GPR107: variants seen among roughly 807,000 people sequenced by gnomAD.
The protein encoded by GPR107 is protein GPR107.
GPR107 carries 31 observed loss-of-function variants against 75.5 expected under a neutral mutation model. The ratio of observed to expected loss-of-function variants is 0.41; its 90% confidence interval spans 0.31 to 0.55. The LOEUF is 0.55. GPR107 is among the 20% of genes least tolerant of loss of function. The pLI is 0.26. For missense variants in GPR107, 572 were observed against 665.7 expected, an observed-to-expected ratio of 0.86 and a Z score of 1.55; for synonymous variants, 267 against 251.3, an observed-to-expected ratio of 1.06 and a Z score of -0.59.
At chr9:130,071,730 C>G (rs1452544086) in intron 1 of GPR107, among the ~76,000 whole-genome samples, 1 of 152,118 alleles carries the variant, frequency 6.6e-6, no homozygotes, top group African/African-American at 2.4e-5. Context: ...GTCCCCCAGG[C>G]TGGAGTGCAA....
In GPR107 at chr9:130,104,302, A is replaced by G. The variant is rs141104381; in HGVS notation, c.1132-118A>G. ...TGGAAGAGCACGTGGGACTGGAAAG[A>G]ATGCTGTGGTCGCAGATCGTGGGTC... is the stretch of plus-strand genomic sequence containing the variant. On this transcript the variant is annotated intron_variant, in intron 12 of 17. Transcript: ENST00000347136. The G allele has an allele frequency of 7.9e-5, 63 of 792,894 alleles. No individual in the cohort carries two copies. The East Asian group carries it at 1.5e-3, about 19-fold the overall frequency. 49.1% of individuals were successfully genotyped at this position (792,894 alleles called of 1,614,324 possible).
intron 14 of GPR107, among the ~76,000 whole-genome samples, chr9:130,119,862 A>G (rs7851530): frequency 0.65 from 98,864 of 151,914 alleles, 32,218 homozygotes; most frequent in East Asian, 0.82. Context: ...TTTTACTGAG[A>G]CAGGTACTCA....
Position 130,083,542 on chromosome 9 carries a change from CT to C in GPR107, c.527-19del, listed in dbSNP as rs370500687. The C allele has an allele frequency of 3.4e-6, 5 of 1,488,734 alleles. No individual in the cohort carries two copies. In the African/African-American group the frequency reaches 7.3e-5, roughly 22 times the overall value. The allele number at this position is 1,488,734 out of a possible 1,614,324, so 92.2% of individuals were successfully genotyped here. On this transcript the variant is annotated intron_variant, in intron 5 of 17. Coordinates refer to ENST00000347136, the MANE Select transcript of GPR107 (RefSeq NM_020960.5). The stretch of plus-strand genomic sequence containing the variant: ...TGTAAGTTGAGTCATGCAGCACTCT[CT>C]TTTAAATGTTCTTGCTTCTAGATGG...
intron 14 of GPR107, among the ~76,000 whole-genome samples, chr9:130,124,669 G>A (rs553369456): frequency 3.7e-4 from 57 of 152,290 alleles, no homozygotes; most frequent in African/African-American, 1.3e-3. Context: ...ACCCTGGGGC[G>A]GGAATCGCCT....
intron 10 of GPR107, among the ~76,000 whole-genome samples, chr9:130,099,959 ATC>A (rs1457235145): frequency 1.6e-5 from 2 of 124,090 alleles, no homozygotes; most frequent in East Asian, 4.8e-4. Context: ...CAGTGGCGTG[ATC>A]TCTGTTTACT....
At chr9:130,106,347 C>T (rs577440568) in intron 13 of GPR107, among the ~76,000 whole-genome samples, 3 of 151,756 alleles carry the variant, frequency 2.0e-5, no homozygotes, top group Non-Finnish European at 4.4e-5. Flanking sequence ...GCCTGTAATC[C>T]CAGCACTTTG....
intron 1 of GPR107, among the ~76,000 whole-genome samples, chr9:130,062,459 A>AATAATAATAATG (rs1829950910): frequency 6.7e-6 from 1 of 149,388 alleles, no homozygotes; most frequent in Non-Finnish European, 1.5e-5. Flanking sequence ...TAATAATAAT[A>AATAATAATAATG]GCACTGAGTA....
intron 6 of GPR107, among the ~76,000 whole-genome samples, chr9:130,086,212 A>G (rs1206634080): frequency 3.9e-5 from 6 of 152,208 alleles, no homozygotes; most frequent in African/African-American, 1.4e-4. Flanking sequence ...CAGAGGCAGA[A>G]GAGACAGGTG....
intron 14 of GPR107, among the ~76,000 whole-genome samples, chr9:130,115,809 T>C (rs6478946): frequency 0.97 from 147,003 of 150,988 alleles, 71,592 homozygotes; most frequent in East Asian, 1. Context: ...ATGGTGCACA[T>C]CTGTAACCCC....
chr9:130,060,402 G>GGTT (rs1442738529), intron 1 of GPR107, among the ~76,000 whole-genome samples: 23 of 75,896 alleles, frequency 3.0e-4, no homozygotes, highest in African/African-American at 1.3e-3. Flanking sequence ...GATAATCCGA[G>GGTT]TTTTTTTTTT....
At position 130,075,636 on chromosome 9, in the gene GPR107, G is replaced by T. The variant is rs779908757; in HGVS notation, c.142G>T (p.Asp48Tyr). ...ATTCCACCACTACAAATCTCTTTAGGATGATGTGAGGCATAAAGTTCATCT... is the reference window on the plus strand; with the variant it reads ...ATTCCACCACTACAAATCTCTTTAGTATGATGTGAGGCATAAAGTTCATCT... ...LGRVHHLALK[D>Y]DVRHKVHLNT... The change falls in exon 2 of 18, where the codon GAT becomes TAT. Residue 48 changes from aspartate to tyrosine, a missense_variant and splice_region_variant. Asp to Tyr is a radical substitution (Grantham distance 160). Transcript: ENST00000347136. The T allele has an allele frequency of 6.7e-7, 1 of 1,489,538 alleles. No homozygotes were observed. Among genetic ancestry groups the T allele is most frequent in the Non-Finnish European group, 9.4e-7 (1 of 1,066,738 alleles). 92.3% of individuals were successfully genotyped at this position (1,489,538 alleles called of 1,614,324 possible).
intron 14 of GPR107, among the ~76,000 whole-genome samples, chr9:130,121,156 G>A (rs1329746866): frequency 2.0e-5 from 3 of 151,592 alleles, no homozygotes; most frequent in African/African-American, 7.3e-5. Flanking sequence ...ACTCCAGCCT[G>A]GGAGACAGCG....
chr9:130,116,794 C>T (rs980046802), intron 14 of GPR107, among the ~76,000 whole-genome samples: 6 of 152,178 alleles, frequency 3.9e-5, no homozygotes, highest in Admixed American at 2.0e-4. Context: ...TTTAGTGCTA[C>T]TCTGAGGAGC....
chr9:130,091,973 C>T (rs377494477), intron 8 of GPR107, among the ~76,000 whole-genome samples: 81 of 151,924 alleles, frequency 5.3e-4, no homozygotes, highest in African/African-American at 1.8e-3. Context: ...GGATTACAGG[C>T]GTGAGCCACT....
intron 5 of GPR107, among the ~76,000 whole-genome samples, chr9:130,082,894 G>C (rs1322190466): frequency 6.6e-6 from 1 of 151,776 alleles, no homozygotes; most frequent in Non-Finnish European, 1.5e-5. Context: ...ATTACTTGCT[G>C]TTAACTTTTT....
At chr9:130,101,308 C>T in intron 12 of GPR107, 85 bp downstream of exon 12, 1 of 755,246 alleles carries the variant, frequency 1.3e-6, no homozygotes, top group Non-Finnish European at 2.4e-6. Context: ...AAGAGGGAGT[C>T]ACCTCACCCT....
intron 1 of GPR107, among the ~76,000 whole-genome samples, chr9:130,074,455 T>G (rs1347798719): frequency 6.6e-6 from 1 of 152,148 alleles, no homozygotes; most frequent in Non-Finnish European, 1.5e-5. Context: ...ATATAAAAAT[T>G]GTTACACAAC....
At chr9:130,134,995 T>C (rs1382165592) in intron 17 of GPR107, 30 bp from the exon 18 acceptor site, 1 of 1,252,466 alleles carries the variant, frequency 8.0e-7, no homozygotes, top group Non-Finnish European at 1.2e-6. Context: ...CTGTGAGATG[T>C]TCCTAATTGT....
At chr9:130,059,565 AAAAT>A (rs1829877097) in intron 1 of GPR107, among the ~76,000 whole-genome samples, 1 of 152,170 alleles carries the variant, frequency 6.6e-6, no homozygotes. Context: ...TTACCTGTAA[AAAAT>A]AAGAGCTCTT....
Sources: allele counts gnomAD v4.1 joint callset (sites outside exome capture counted in the v4.1 genomes callset), GRCh38; gene constraint gnomAD v4.1.1; transcripts MANE v1.5; gene names NCBI Gene and HGNC (gene_info 2026-07-23, HGNC 2026-07-21).